The following SCFD2 variants were observed in gnomAD, a reference collection of about 807,000 sequenced individuals.
SCFD2 encodes sec1 family domain containing 2.
A neutral mutation model predicts 58.9 loss-of-function variants in SCFD2; 54 were observed. The ratio of observed to expected loss-of-function variants is 0.92; its 90% CI spans 0.74 to 1.15. The LOEUF (loss-of-function observed/expected upper bound fraction) is 1.15, where lower values mean the gene tolerates loss of function less well. SCFD2 is among the 50% of genes most tolerant of loss of function. The pLI is 0.00. For synonymous variants in SCFD2, 321 were observed against 335.9 expected, an observed-to-expected ratio of 0.96 and a Z score of 0.49; for missense variants, 805 against 836.6, an observed-to-expected ratio of 0.96 and a Z score of 0.47.
chr4:53,084,189 C>T (rs1035669163), intron 5 of SCFD2, among the ~76,000 whole-genome samples: 1 of 152,072 alleles, frequency 6.6e-6, no homozygotes. Flanking sequence ...GACAAACATT[C>T]CCAGAGTGGC....
At chr4:53,201,833 G>T (rs1487653190) in intron 4 of SCFD2, among the ~76,000 whole-genome samples, 2 of 152,222 alleles carry the variant, frequency 1.3e-5, no homozygotes, top group African/African-American at 4.8e-5. Context: ...CTTCTGAGAA[G>T]TGTCTGTTCA....
intron 5 of SCFD2, among the ~76,000 whole-genome samples, chr4:52,951,365 A>C (rs982460574): frequency 6.6e-6 from 1 of 152,250 alleles, no homozygotes; most frequent in Non-Finnish European, 1.5e-5. Context: ...GCAACATGGT[A>C]AGGTCTATAA....
chr4:53,064,416 T>C (rs1395012701), intron 5 of SCFD2, among the ~76,000 whole-genome samples: 1 of 116,722 alleles, frequency 8.6e-6, no homozygotes, highest in East Asian at 2.5e-4. Flanking sequence ...AAATGACCTT[T>C]AGGCAATTGG....
At chr4:53,131,341 T>A (rs1725781566) in intron 5 of SCFD2, among the ~76,000 whole-genome samples, 1 of 152,122 alleles carries the variant, frequency 6.6e-6, no homozygotes, top group Non-Finnish European at 1.5e-5. Flanking sequence ...CATGGGCCAA[T>A]GGGTATCTGA....
intron 4 of SCFD2, among the ~76,000 whole-genome samples, chr4:53,221,725 T>A (rs1729052495): frequency 6.6e-6 from 1 of 152,176 alleles, no homozygotes; most frequent in Non-Finnish European, 1.5e-5. Context: ...AATTAAAATG[T>A]CATTGACAGG....
intron 4 of SCFD2, among the ~76,000 whole-genome samples, chr4:53,166,173 G>C (rs1342981308): frequency 6.6e-6 from 1 of 152,092 alleles, no homozygotes; most frequent in East Asian, 1.9e-4. Context: ...TGATTCATTT[G>C]TCAATGAATA....
chr4:53,115,197 A>G (rs1725286566), intron 5 of SCFD2, among the ~76,000 whole-genome samples: 1 of 152,078 alleles, frequency 6.6e-6, no homozygotes, highest in Non-Finnish European at 1.5e-5. Context: ...TATAGACTGA[A>G]TTTTTTTAAA....
intron 5 of SCFD2, among the ~76,000 whole-genome samples, chr4:52,953,390 A>G (rs1720643632): frequency 6.6e-6 from 1 of 152,164 alleles, no homozygotes; most frequent in South Asian, 2.1e-4. Context: ...AAGGGAAGGG[A>G]CCTCTACTAT....
chr4:53,250,996 A>G (rs554634062), intron 4 of SCFD2, among the ~76,000 whole-genome samples: 2 of 152,358 alleles, frequency 1.3e-5, no homozygotes, highest in East Asian at 3.9e-4. Flanking sequence ...ATAGACTAAT[A>G]AAGAAGAAAA....
At chr4:53,206,351 TGAA>T (rs1162734581) in intron 4 of SCFD2, among the ~76,000 whole-genome samples, 1 of 152,060 alleles carries the variant, frequency 6.6e-6, no homozygotes, top group African/African-American at 2.4e-5. Context: ...AAACAGAAGA[TGAA>T]GATGTTCCAG....
At chr4:53,298,291 A>T (rs147135128) in intron 3 of SCFD2, among the ~76,000 whole-genome samples, 2,261 of 152,250 alleles carry the variant, frequency 0.015, 56 homozygotes, top group African/African-American at 0.052. Context: ...GCACACCAGG[A>T]GATTATATCC....
intron 7 of SCFD2, among the ~76,000 whole-genome samples, chr4:52,895,525 T>C (rs1718985536): frequency 6.6e-6 from 1 of 152,224 alleles, no homozygotes; most frequent in Non-Finnish European, 1.5e-5. Flanking sequence ...GGCTGCATAG[T>C]ATTCCATGGT....
chr4:52,978,950 G>A (rs1270998639), intron 5 of SCFD2, among the ~76,000 whole-genome samples: 1 of 151,986 alleles, frequency 6.6e-6, no homozygotes, highest in Non-Finnish European at 1.5e-5. Context: ...TTGTAGAGAT[G>A]GGGTCTTGCT....
At chr4:52,934,022 A>G (rs1404606677) in intron 5 of SCFD2, among the ~76,000 whole-genome samples, 1 of 152,174 alleles carries the variant, frequency 6.6e-6, no homozygotes, top group African/African-American at 2.4e-5. Context: ...CCATAAATGG[A>G]ATTTCCAGTC....
chr4:53,011,187 C>T (rs190144561), intron 5 of SCFD2, among the ~76,000 whole-genome samples: 5 of 152,286 alleles, frequency 3.3e-5, no homozygotes, highest in Admixed American at 3.3e-4. Context: ...TATTATGAGG[C>T]TGTGCTCATA....
intron 7 of SCFD2, among the ~76,000 whole-genome samples, chr4:52,889,475 C>T: frequency 6.6e-6 from 1 of 152,166 alleles, no homozygotes; most frequent in Non-Finnish European, 1.5e-5. Context: ...TCTCATAGCT[C>T]TTAGGATAAA....
intron 4 of SCFD2, among the ~76,000 whole-genome samples, chr4:53,154,475 T>A (rs1312281131): frequency 1.3e-5 from 2 of 152,210 alleles, no homozygotes; most frequent in East Asian, 1.9e-4. Flanking sequence ...TCAAGAGGGA[T>A]CTGCCCTCAT....
At chr4:53,344,124 A>G (rs1733978499) in intron 2 of SCFD2, among the ~76,000 whole-genome samples, 1 of 151,766 alleles carries the variant, frequency 6.6e-6, no homozygotes, top group African/African-American at 2.4e-5. Context: ...GAAAGAAATA[A>G]AGGATATTCA....
intron 4 of SCFD2, among the ~76,000 whole-genome samples, chr4:53,228,416 T>C (rs544317552): frequency 1.2e-4 from 18 of 152,316 alleles, no homozygotes; most frequent in African/African-American, 3.1e-4. Flanking sequence ...AAAACCCTTA[T>C]GTACAAGTTG....
Sources: gnomAD v4.1 joint callset for allele counts (sites outside exome capture counted in the v4.1 genomes callset) on GRCh38, gnomAD v4.1.1 for gene constraint, MANE v1.5 for transcripts, NCBI Gene and HGNC (gene_info 2026-07-23, HGNC 2026-07-21) for gene names.